CEP112: variants seen among roughly 807,000 people sequenced by gnomAD.
CEP112 encodes the protein centrosomal protein 112.
In CEP112, 127 loss-of-function variants were observed where a neutral mutation model predicts 153.0. That is an observed-to-expected ratio of 0.83 (90% confidence interval 0.72 to 0.96). The LOEUF (loss-of-function observed/expected upper bound fraction) is 0.96. Among genes scored for constraint, CEP112 ranks in the 40% least tolerant of loss-of-function variants. The pLI is 0.00. For missense variants in CEP112, 1,089 were observed against 1,101.2 expected (o/e 0.99, Z 0.16); for synonymous variants, 358 against 374.4 (o/e 0.96, Z 0.51).
intron 23 of CEP112, among the ~76,000 whole-genome samples, chr17:65,708,670 G>A (rs1195265435): frequency 1.3e-5 from 2 of 152,148 alleles, no homozygotes; most frequent in Admixed American, 6.5e-5. Flanking sequence ...GGTCACTCTA[G>A]TCCTACAGTC....
At position 66,005,888 on chromosome 17, in the gene CEP112, T is replaced by C. The variant is rs2090215718; in HGVS notation, c.1657-119A>G. On this transcript the variant is annotated intron_variant, in intron 16 of 26. Coordinates refer to ENST00000535342, the MANE Select transcript of CEP112 (RefSeq NM_001199165.4). ...TTTTTAATATAAAATTAGATTTAGA[T>C]ATTTCAAGATAGAAACTTGGTCTAC... The C allele has an allele frequency of 3.5e-6, 3 of 849,356 alleles. No individual in the cohort carries two copies. In the South Asian group the frequency reaches 6.7e-5, roughly 19 times the overall value. 52.6% of individuals were successfully genotyped at this position (849,356 alleles called of 1,614,324 possible). A position where few individuals can be genotyped will look rare whatever the true frequency, so the allele number is the denominator to read the frequency against.
At chr17:65,958,027 T>C (rs1442235770) in intron 18 of CEP112, among the ~76,000 whole-genome samples, 1 of 152,162 alleles carries the variant, frequency 6.6e-6, no homozygotes, top group Non-Finnish European at 1.5e-5. Flanking sequence ...TTATATACCT[T>C]CCTTTTCAAA....
At chr17:65,960,300 A>C (rs2062152482) in intron 18 of CEP112, among the ~76,000 whole-genome samples, 1 of 152,326 alleles carries the variant, frequency 6.6e-6, no homozygotes, top group South Asian at 2.1e-4. Context: ...TAGATATAAA[A>C]GGGCAAACAG....
chr17:65,955,939 G>T (rs1276059008), intron 18 of CEP112, among the ~76,000 whole-genome samples: 1 of 152,096 alleles, frequency 6.6e-6, no homozygotes, highest in African/African-American at 2.4e-5. Context: ...CACTACACAG[G>T]TCATCAAGAC....
chr17:65,926,175 C>T (rs1158648902), intron 19 of CEP112, among the ~76,000 whole-genome samples: 2 of 152,192 alleles, frequency 1.3e-5, no homozygotes, highest in Non-Finnish European at 2.9e-5. Flanking sequence ...CTCTGGCTAA[C>T]CTGGTCTTCA....
intron 19 of CEP112, 30 bp downstream of exon 19, chr17:65,927,552 T>C (rs1314125246): frequency 8.0e-7 from 1 of 1,247,118 alleles, no homozygotes; most frequent in Admixed American, 2.2e-5. Context: ...TTTTAAAAAT[T>C]TAATGGCAGC....
chr17:65,744,920 T>C (rs2051354676), intron 22 of CEP112, among the ~76,000 whole-genome samples: 1 of 152,220 alleles, frequency 6.6e-6, no homozygotes, highest in South Asian at 2.1e-4. Flanking sequence ...CTTTTGGTCC[T>C]AAGCAGAGGG....
At chr17:66,133,970 A>C (rs191940263) in intron 4 of CEP112, among the ~76,000 whole-genome samples, 3 of 152,310 alleles carry the variant, frequency 2.0e-5, no homozygotes, top group Admixed American at 1.3e-4. Context: ...ACAAACATCC[A>C]AATAGTTAAA....
At chr17:65,947,076 T>G (rs1175251924) in intron 18 of CEP112, among the ~76,000 whole-genome samples, 1 of 152,196 alleles carries the variant, frequency 6.6e-6, no homozygotes, top group Non-Finnish European at 1.5e-5. Flanking sequence ...TTATATTTAG[T>G]GACCTAAGTT....
chr17:65,730,715 C>T (rs2050454901), intron 23 of CEP112, among the ~76,000 whole-genome samples: 1 of 151,898 alleles, frequency 6.6e-6, no homozygotes, highest in Non-Finnish European at 1.5e-5. Context: ...TTCCTGTAAG[C>T]TTTTAGGACA....
At chr17:66,077,803 G>C (rs1210189605) in intron 8 of CEP112, among the ~76,000 whole-genome samples, 1 of 152,200 alleles carries the variant, frequency 6.6e-6, no homozygotes, top group Non-Finnish European at 1.5e-5. Context: ...CAGATGTATA[G>C]ATTATGAAGA....
intron 18 of CEP112, 149 bp downstream of exon 18, chr17:65,961,314 T>C (rs2062190066): frequency 1.4e-6 from 1 of 706,446 alleles, no homozygotes; most frequent in Non-Finnish European, 2.3e-6. Context: ...TAACATCTCT[T>C]TCTCATTCTG....
chr17:66,048,490 G>T (rs998536630), intron 12 of CEP112, among the ~76,000 whole-genome samples: 1 of 152,186 alleles, frequency 6.6e-6, no homozygotes, highest in Non-Finnish European at 1.5e-5. Flanking sequence ...ACTAACTCCA[G>T]AAGGATTAAG....
At chr17:65,920,374 T>TGC (rs2060666632) in intron 19 of CEP112, among the ~76,000 whole-genome samples, 2 of 82,120 alleles carry the variant, frequency 2.4e-5, no homozygotes, top group Non-Finnish European at 4.7e-5. Context: ...TATATATATA[T>TGC]ATATATATAT....
chr17:66,182,289 A>C (rs1359296779), intron 2 of CEP112: 1 of 152,206 alleles, frequency 6.6e-6, no homozygotes, highest in East Asian at 1.9e-4. Flanking sequence ...GATAAACTAA[A>C]TTTAATCATC....
chr17:66,154,439 CG>C (rs958721056), intron 4 of CEP112, among the ~76,000 whole-genome samples: 1 of 147,864 alleles, frequency 6.8e-6, no homozygotes, highest in African/African-American at 2.5e-5. Flanking sequence ...CACTTAAGCC[CG>C]GGAGGCAGAG....
intron 19 of CEP112, among the ~76,000 whole-genome samples, chr17:65,909,607 A>C (rs920837573): frequency 6.6e-6 from 1 of 152,234 alleles, no homozygotes; most frequent in African/African-American, 2.4e-5. Context: ...CTCATACTGA[A>C]CATACTTGGC....
chr17:66,130,602 T>C (rs533170141), intron 5 of CEP112, among the ~76,000 whole-genome samples: 423 of 151,884 alleles, frequency 2.8e-3, no homozygotes, highest in Middle Eastern at 0.01. Flanking sequence ...GCTGAAACCC[T>C]GTCTCTACTA....
At chr17:66,137,917 C>G (rs2146587095) in intron 4 of CEP112, among the ~76,000 whole-genome samples, 1 of 152,246 alleles carries the variant, frequency 6.6e-6, no homozygotes, top group South Asian at 2.1e-4. Flanking sequence ...ATACAGATTA[C>G]TCTATTGATA....
Sources: gnomAD v4.1 joint callset for allele counts (sites outside exome capture counted in the v4.1 genomes callset) on GRCh38, gnomAD v4.1.1 for gene constraint, MANE v1.5 for transcripts, NCBI Gene and HGNC (gene_info 2026-07-23, HGNC 2026-07-21) for gene names.